Variants in NMRK1 observed in about 807,000 individuals in gnomAD.
The protein encoded by NMRK1 is NRK 1.
A neutral mutation model predicts 29.9 loss-of-function variants in NMRK1; 28 were observed. That is an observed-to-expected ratio of 0.94 (90% confidence interval 0.69 to 1.28). The LOEUF (loss-of-function observed/expected upper bound fraction) is 1.28. Ranked by LOEUF, NMRK1 falls within the 50% of genes most tolerant of loss-of-function variation. NMRK1 has a pLI of 0.00. For synonymous variants in NMRK1, 58 were observed against 73.0 expected (o/e 0.79, Z 1.05); for missense variants, 218 against 233.1 (o/e 0.94, Z 0.42).
intron 2 of NMRK1, among the ~76,000 whole-genome samples, chr9:75,079,148 T>A (rs1490601991): frequency 6.6e-6 from 1 of 152,200 alleles, no homozygotes; most frequent in East Asian, 1.9e-4. Flanking sequence ...ATGGCTTGTA[T>A]ATAACTCAAT....
intron 4 of NMRK1, 103 bp from the exon 5 acceptor site, chr9:75,070,145 C>A (rs763507344): frequency 1.6e-5 from 12 of 773,260 alleles, no homozygotes; most frequent in Non-Finnish European, 2.2e-5. Flanking sequence ...ATATACACCA[C>A]CATTTTATTT....
intron 4 of NMRK1, among the ~76,000 whole-genome samples, chr9:75,074,499 GC>G (rs1291112351): frequency 6.6e-6 from 1 of 151,782 alleles, no homozygotes; most frequent in Non-Finnish European, 1.5e-5. Context: ...TGAGCCTCTC[GC>G]CTCAGTCTCC....
intron 2 of NMRK1, among the ~76,000 whole-genome samples, chr9:75,080,512 C>T (rs1230417204): frequency 6.6e-6 from 1 of 152,082 alleles, no homozygotes; most frequent in Non-Finnish European, 1.5e-5. Context: ...ATTAGCTGGG[C>T]GTGGTGGTGC....
At chr9:75,080,863 C>G (rs1317085097) in intron 2 of NMRK1, among the ~76,000 whole-genome samples, 1 of 152,180 alleles carries the variant, frequency 6.6e-6, no homozygotes, top group Non-Finnish European at 1.5e-5. Flanking sequence ...TGCTGGATCC[C>G]CTTCATCTTC....
chr9:75,071,834 C>T (rs751306667), intron 4 of NMRK1, among the ~76,000 whole-genome samples: 6 of 152,058 alleles, frequency 3.9e-5, no homozygotes, highest in South Asian at 2.1e-4. Flanking sequence ...GGAGCTGACA[C>T]GCCCTGAGTA....
chr9:75,062,800 G>A (rs933322583), intron 8 of NMRK1, among the ~76,000 whole-genome samples: 1 of 152,232 alleles, frequency 6.6e-6, no homozygotes, highest in African/African-American at 2.4e-5. Context: ...GGGAGGCCAA[G>A]GCAGACGGAT....
At chr9:75,063,201 G>A in intron 8 of NMRK1, among the ~76,000 whole-genome samples, 1 of 151,228 alleles carries the variant, frequency 6.6e-6, no homozygotes. Flanking sequence ...AGTTACTCGG[G>A]AGGCTGAGGC....
Position 75,077,162 on chromosome 9 carries a change from C to T in NMRK1, c.166G>A (p.Asp56Asn), listed in dbSNP as rs1023953839. The change falls in exon 4 of 9, where the codon GAT becomes AAT. Residue 56 changes from aspartate to asparagine, a missense_variant. Physicochemically the swap from Asp to Asn is conservative, Grantham distance 23. Coordinates refer to ENST00000361092, the MANE Select transcript of NMRK1 (RefSeq NM_017881.3). ...TTTGACAAGTAAATCTACTTACCAT[C>T]GTACTGCAAAAATCCATTTTTATCT... The part of the protein sequence containing the change: ...ETDKNGFLQY[D>N]VLEALNMEKM... 5.7e-6 allele frequency: 9 copies of T among 1,569,780 alleles called. No homozygotes were observed. Among genetic ancestry groups the T allele is most frequent in the Middle Eastern group, 1.7e-4 (1 of 5,964 alleles).
intron 4 of NMRK1, among the ~76,000 whole-genome samples, chr9:75,074,906 G>A (rs1409497144): frequency 6.6e-6 from 1 of 152,206 alleles, no homozygotes; most frequent in Non-Finnish European, 1.5e-5. Flanking sequence ...GATGTGAGAT[G>A]CTTGAAGTCA....
intron 8 of NMRK1, among the ~76,000 whole-genome samples, chr9:75,063,316 AAAAAG>A (rs1159553955): frequency 8.7e-4 from 131 of 151,000 alleles, no homozygotes; most frequent in African/African-American, 2.9e-3. Flanking sequence ...AAAAAAAAAA[AAAAAG>A]AAAGAAAAAA....
chr9:75,077,375 T>G, intron 3 of NMRK1, 115 bp downstream of exon 3: 1 of 906,222 alleles, frequency 1.1e-6, no homozygotes, highest in South Asian at 1.5e-5. Flanking sequence ...GCACTGAGCC[T>G]AATTTCAATA....
chr9:75,077,298 G>C, intron 3 of NMRK1, 91 bp from the exon 4 acceptor site: 2 of 972,942 alleles, frequency 2.1e-6, no homozygotes, highest in Non-Finnish European at 3.2e-6. Context: ...TTTAATAAAT[G>C]CTTTGGATGA....
chr9:75,078,370 T>C (rs1157339152), intron 2 of NMRK1: 1 of 1,571,884 alleles, frequency 6.4e-7, no homozygotes, highest in South Asian at 1.2e-5. Context: ...TCCCCATCTC[T>C]CTCCACCTGG....
chr9:75,078,239 G>T, intron 2 of NMRK1: 3 of 1,519,638 alleles, frequency 2.0e-6, no homozygotes, highest in Non-Finnish European at 2.7e-6. Flanking sequence ...TTTAGTGCAA[G>T]TGTATAAAAC....
chr9:75,071,053 A>G (rs1823670794), intron 4 of NMRK1, among the ~76,000 whole-genome samples: 1 of 151,748 alleles, frequency 6.6e-6, no homozygotes, highest in Non-Finnish European at 1.5e-5. Flanking sequence ...CTTAAACCAA[A>G]TTTGAGAAGT....
At chr9:75,075,298 T>C (rs531488168) in intron 4 of NMRK1, among the ~76,000 whole-genome samples, 1 of 152,300 alleles carries the variant, frequency 6.6e-6, no homozygotes, top group South Asian at 2.1e-4. Context: ...TCCTTGTTTT[T>C]CACCCTTACT....
chr9:75,063,293 G>A (rs1216949767), intron 8 of NMRK1, among the ~76,000 whole-genome samples: 3 of 94,148 alleles, frequency 3.2e-5, no homozygotes, highest in Non-Finnish European at 6.1e-5. Flanking sequence ...GCGACAGAGC[G>A]AGACTCCATC....
At chr9:75,084,128 T>G (rs1824481571) in intron 1 of NMRK1, among the ~76,000 whole-genome samples, 1 of 152,234 alleles carries the variant, frequency 6.6e-6, no homozygotes, top group Non-Finnish European at 1.5e-5. Context: ...GGGCCATTTT[T>G]CTCACTAAGT....
Position 75,069,799 on chromosome 9 carries a change from A to G in NMRK1, c.332T>C (p.Ile111Thr). 1 of 1,613,118 alleles carries G rather than the reference A, an allele frequency of 6.2e-7. No individual in the cohort carries two copies. Among genetic ancestry groups the G allele is most frequent in the East Asian group, 2.2e-5 (1 of 44,852 alleles). Residue 111 changes from isoleucine (I) to threonine (T), a missense_variant, in exon 6 of 9, where the codon ATA becomes ACA. By Grantham distance (89) the Ile-to-Thr change is moderately conservative. Transcript: ENST00000361092. Reference protein sequence around the residue: ...LLFNYKPLDTIWNRSYFLTIP... With the variant: ...LLFNYKPLDTTWNRSYFLTIP... ...AGTCAGGAAATAGCTTCTATTCCAT[A>G]TAGTGTCAAGGGGCCTAAAATAACA...
Sources: gnomAD v4.1 joint callset for allele counts (sites outside exome capture counted in the v4.1 genomes callset) on GRCh38, gnomAD v4.1.1 for gene constraint, MANE v1.5 for transcripts, NCBI Gene and HGNC (gene_info 2026-07-23, HGNC 2026-07-21) for gene names.